Variants in SEPTIN10 observed in about 807,000 individuals in gnomAD.
The protein encoded by SEPTIN10 is septin 10.
SEPTIN10 carries 66 observed loss-of-function variants against 54.8 expected under a neutral mutation model. That is an observed-to-expected ratio of 1.21 (90% CI 0.99 to 1.48). SEPTIN10 has a LOEUF of 1.48. Among genes scored for constraint, SEPTIN10 ranks in the 40% most tolerant of loss-of-function variants. The pLI is 0.00. For missense variants in SEPTIN10, 620 were observed against 545.6 expected, an observed-to-expected ratio of 1.14 and a Z score of -1.36; for synonymous variants, 161 against 181.0, an observed-to-expected ratio of 0.89 and a Z score of 0.89.
intron 1 of SEPTIN10, among the ~76,000 whole-genome samples, chr2:109,604,404 A>AGGGGAGGGGAGGGGCGGGGCGGGAG: frequency 9.4e-6 from 1 of 106,310 alleles, no homozygotes; most frequent in Non-Finnish European, 2.1e-5. Context: ...CGGGGCGGGG[A>AGGGGAGGGGAGGGGCGGGGCGGGAG]GAAAAGAAAG....
intron 1 of SEPTIN10, among the ~76,000 whole-genome samples, chr2:109,609,877 T>A (rs985509156): frequency 6.6e-6 from 1 of 152,052 alleles, no homozygotes; most frequent in African/African-American, 2.4e-5. Flanking sequence ...TCTCGGGAGA[T>A]GAAAAGGCAG....
At chr2:109,571,778 T>C (rs1688456410) in intron 5 of SEPTIN10, among the ~76,000 whole-genome samples, 1 of 152,168 alleles carries the variant, frequency 6.6e-6, no homozygotes. Flanking sequence ...TTATAAGAGT[T>C]TGCAGGTTGA....
chr2:109,596,396 T>A (rs376960910), intron 1 of SEPTIN10, among the ~76,000 whole-genome samples: 1 of 151,946 alleles, frequency 6.6e-6, no homozygotes, highest in Admixed American at 6.6e-5. Context: ...GGTGGGTGGA[T>A]CATGAGGTCA....
intron 1 of SEPTIN10, chr2:109,605,603 G>A (rs1464982936): frequency 6.6e-6 from 1 of 152,128 alleles, no homozygotes; most frequent in African/African-American, 2.4e-5. Flanking sequence ...CAGAATACCT[G>A]AGGATAAGCT....
intron 6 of SEPTIN10, 111 bp from the exon 7 acceptor site, chr2:109,565,970 C>A (rs937958928): frequency 3.0e-6 from 3 of 985,140 alleles, no homozygotes; most frequent in South Asian, 1.4e-5. Flanking sequence ...CTATTAAAAT[C>A]GAATGGTCAG....
intron 1 of SEPTIN10, among the ~76,000 whole-genome samples, chr2:109,609,046 T>C (rs1698644492): frequency 6.6e-6 from 1 of 152,178 alleles, no homozygotes; most frequent in Non-Finnish European, 1.5e-5. Flanking sequence ...GACCAAAATA[T>C]ATCAATCAAT....
At chr2:109,544,593 T>G in intron 10 of SEPTIN10, 3 of 970,662 alleles carry the variant, frequency 3.1e-6, no homozygotes, top group Non-Finnish European at 2.4e-6. Flanking sequence ...ATGTAAATTA[T>G]CTTTCATATA....
chr2:109,588,656 A>C, intron 2 of SEPTIN10, among the ~76,000 whole-genome samples: 1 of 151,920 alleles, frequency 6.6e-6, no homozygotes, highest in South Asian at 2.1e-4. Context: ...ACGCCTGGCT[A>C]ATTTTTGTAT....
In SEPTIN10 at chr2:109,546,255, A is replaced by G; in HGVS notation, c.1162-18T>C. 1 of 1,519,594 alleles carries G rather than the reference A, an allele frequency of 6.6e-7. No individual in the cohort carries two copies. Among genetic ancestry groups the G allele is most frequent in the Non-Finnish European group, 8.8e-7 (1 of 1,132,678 alleles). 94.1% of individuals were successfully genotyped at this position (1,519,594 alleles called of 1,614,324 possible). A position where few individuals can be genotyped will look rare whatever the true frequency, so the allele number is the denominator to read the frequency against. On this transcript the variant is annotated intron_variant, in intron 9 of 10. Transcript: ENST00000397712. ...GCCTGTAGCTGGAAACAAAAGTGCA[A>G]TCCCCACTACTGACACAGCGCGGCA...
At chr2:109,547,616 G>A (rs1681631099) in intron 9 of SEPTIN10, among the ~76,000 whole-genome samples, 1 of 152,024 alleles carries the variant, frequency 6.6e-6, no homozygotes, top group South Asian at 2.1e-4. Context: ...TTTGGGGCAG[G>A]CCTTTTAATT....
chr2:109,546,291 G>A lies in SEPTIN10; in HGVS notation c.1162-54C>T, dbSNP rs546242697. ...TGACACAGCGCGGCAGCAGAGGCAC[G>A]CTCTCCAGCTCAGCAACACAAAGGC... is the stretch of plus-strand genomic sequence containing the variant. On this transcript the variant is annotated intron_variant, in intron 9 of 10. Coordinates refer to ENST00000397712, the MANE Select transcript of SEPTIN10 (RefSeq NM_144710.5). 22 of 1,217,686 alleles carry A rather than the reference G, an allele frequency of 1.8e-5. No individual in the cohort carries two copies. The African/African-American group carries it at 2.8e-4, about 15-fold the overall frequency. The allele number at this position is 1,217,686 out of a possible 1,614,324, so 75.4% of individuals were successfully genotyped here.
rs1680468243 is a variant in SEPTIN10, at chr2:109,543,648, T to C, written c.*661A>G. ...TGTAATCAGATAGCCACGATATTAA[T>C]GGGTTCTGTATTTTCAGTGGCACTG... On this transcript the variant is annotated 3_prime_UTR_variant, in exon 11 of 11. Transcript: ENST00000397712. 6.6e-6 allele frequency: 1 copy of C among 152,384 alleles called. No homozygotes were observed. Among genetic ancestry groups the C allele is most frequent in the Non-Finnish European group, 1.5e-5 (1 of 68,174 alleles). 9.4% of individuals were successfully genotyped at this position (152,384 alleles called of 1,614,324 possible). A position where few individuals can be genotyped will look rare whatever the true frequency, so the allele number is the denominator to read the frequency against.
chr2:109,565,846 A>G lies in SEPTIN10; in HGVS notation c.776T>C (p.Phe259Ser). ...CTCATCCATACTTCCCACAACAGCAAACGGCAACTGTCCCTGAAAAAGAAT... is the reference window on the plus strand; with the variant it reads ...CTCATCCATACTTCCCACAACAGCAGACGGCAACTGTCCCTGAAAAAGAAT... ...VNAAMNGQLPFAVVGSMDEVK... is the reference protein window; with the variant it reads ...VNAAMNGQLPSAVVGSMDEVK... Residue 259 changes from phenylalanine (F) to serine (S), a missense_variant, in exon 7 of 11, where the codon TTT (phenylalanine) becomes TCT (serine). Phe to Ser is a radical substitution (Grantham distance 155, BLOSUM62 -2). Transcript: ENST00000397712. 1.2e-6 allele frequency: 2 copies of G among 1,613,986 alleles called. No individual in the cohort carries two copies. Among genetic ancestry groups the G allele is most frequent in the Non-Finnish European group, 1.7e-6 (2 of 1,179,954 alleles).
intron 9 of SEPTIN10, 187 bp downstream of exon 9, chr2:109,552,900 C>T (rs959018154): frequency 1.5e-6 from 1 of 647,504 alleles, no homozygotes; most frequent in Non-Finnish European, 2.5e-6. Flanking sequence ...AAAAAGAAGG[C>T]CAAAGTTTTC....
At chr2:109,606,771 G>A (rs541407029) in intron 1 of SEPTIN10, among the ~76,000 whole-genome samples, 6 of 135,370 alleles carry the variant, frequency 4.4e-5, no homozygotes, top group Non-Finnish European at 7.6e-5. Flanking sequence ...CCTCCGTCTC[G>A]CAGGTTCAAG....
In SEPTIN10 at chr2:109,545,833, A is replaced by G. The variant is rs1337036921; in HGVS notation, c.1349+217T>C. ...TTTTGTTCATTCATTCATTTTGGCA[A>G]ATACTGAACACATAACATGTGCCAG... On this transcript the variant is annotated intron_variant, in intron 10 of 10. Transcript: ENST00000397712. 2.1e-6 allele frequency: 3 copies of G among 1,430,868 alleles called. No homozygotes were observed. In the East Asian group the frequency reaches 7.5e-5, roughly 36 times the overall value. The allele number at this position is 1,430,868 out of a possible 1,614,324, so 88.6% of individuals were successfully genotyped here. A position where few individuals can be genotyped will look rare whatever the true frequency, so the allele number is the denominator to read the frequency against.
chr2:109,602,546 A>G (rs1245043894), intron 1 of SEPTIN10, among the ~76,000 whole-genome samples: 1 of 151,990 alleles, frequency 6.6e-6, no homozygotes. Context: ...GTGGTGGCGC[A>G]TGCCTATAAT....
chr2:109,574,406 AC>A (rs1203623102), intron 5 of SEPTIN10, among the ~76,000 whole-genome samples, 174 bp downstream of exon 5: 1 of 149,556 alleles, frequency 6.7e-6, no homozygotes, highest in African/African-American at 2.5e-5. Flanking sequence ...CGATCTCACA[AC>A]TACCTCCAGC....
chr2:109,604,695 C>T (rs1041440027), intron 1 of SEPTIN10: 10 of 148,050 alleles, frequency 6.8e-5, no homozygotes, highest in African/African-American at 2.5e-4. Flanking sequence ...CCACTCCAGC[C>T]TGGGTGACAG....
Sources: gnomAD v4.1 joint callset for allele counts (sites outside exome capture counted in the v4.1 genomes callset) on GRCh38, gnomAD v4.1.1 for gene constraint, MANE v1.5 for transcripts, NCBI Gene and HGNC (gene_info 2026-07-23, HGNC 2026-07-21) for gene names.